The following PRPSAP2 variants were observed in gnomAD, a reference collection of about 807,000 sequenced individuals.
PRPSAP2 encodes phosphoribosyl pyrophosphate synthase-associated protein 2.
PRPSAP2 carries 24 observed loss-of-function variants against 40.6 expected under a neutral mutation model. The ratio of observed to expected loss-of-function variants is 0.59; its 90% confidence interval spans 0.43 to 0.83. The LOEUF (loss-of-function observed/expected upper bound fraction) is 0.83, where lower values mean the gene tolerates loss of function less well. PRPSAP2 is among the 40% of genes least tolerant of loss of function. The pLI, the probability that PRPSAP2 is intolerant of heterozygous loss-of-function variation, is 0.00. For synonymous variants in PRPSAP2, 149 were observed against 164.7 expected (o/e 0.90, Z 0.73); for missense variants, 292 against 465.6 (o/e 0.63, Z 3.43).
chr17:18,906,949 A>G (rs748009542), intron 8 of PRPSAP2, among the ~76,000 whole-genome samples: 1 of 152,090 alleles, frequency 6.6e-6, no homozygotes, highest in Admixed American at 6.6e-5. Flanking sequence ...CTAACAGCTC[A>G]TAAGAGTCTA....
At chr17:18,875,853 CA>C (rs35855183) in intron 5 of PRPSAP2, among the ~76,000 whole-genome samples, 59,564 of 107,492 alleles carry the variant, frequency 0.55, 13,459 homozygotes, top group Middle Eastern at 0.65. Flanking sequence ...GACTCTGTCT[CA>C]AAAAAAAAAA....
At chr17:18,879,867 A>AT (rs564563620) in intron 6 of PRPSAP2, among the ~76,000 whole-genome samples, 2 of 194 alleles carry the variant, frequency 0.01, no homozygotes, top group Admixed American at 0.11. Flanking sequence ...TGGGAGAACC[A>AT]GGGGGCGATC....
At chr17:18,926,053 G>A (rs1477329550) in intron 10 of PRPSAP2, among the ~76,000 whole-genome samples, 1 of 151,590 alleles carries the variant, frequency 6.6e-6, no homozygotes, top group Non-Finnish European at 1.5e-5. Flanking sequence ...AGCCGAGATC[G>A]TGCCACTGCA....
chr17:18,901,538 C>T (rs2040268312), intron 8 of PRPSAP2, among the ~76,000 whole-genome samples: 2 of 152,110 alleles, frequency 1.3e-5, no homozygotes, highest in African/African-American at 2.4e-5. Flanking sequence ...TGCCACTATG[C>T]CTGGCTAATT....
intron 6 of PRPSAP2, among the ~76,000 whole-genome samples, chr17:18,881,210 G>T (rs1295966760): frequency 6.6e-6 from 1 of 151,348 alleles, no homozygotes; most frequent in African/African-American, 2.4e-5. Flanking sequence ...AAATACAAGT[G>T]CTGAGTTTTT....
intron 8 of PRPSAP2, among the ~76,000 whole-genome samples, chr17:18,906,943 C>T (rs1051039746): frequency 9.2e-5 from 14 of 151,986 alleles, no homozygotes; most frequent in Non-Finnish European, 2.1e-4. Context: ...AAATTTCTAA[C>T]AGCTCATAAG....
rs1051420898 is a variant in PRPSAP2 at position 18,887,831 on chromosome 17, GTTCT to G, written c.529-1984_529-1981del. 7.9e-5 allele frequency among the ~76,000 whole-genome samples: 5 copies of G among 63,218 alleles called. 1 individual carries two copies. The highest frequency in any genetic ancestry group is 2.9e-4 in the African/African-American group (5 of 17,210). 41.5% of individuals were successfully genotyped at this position (63,218 alleles called of 152,430 possible). ...TTTTGGTTCTTTTTCATAATAACTTGTTCTTTCTTTTTTTTTTTTTTAATTTATT... is the reference window on the plus strand; with the variant it reads ...TTTTGGTTCTTTTTCATAATAACTTGTTCTTTTTTTTTTTTTTAATTTATT... On this transcript the variant is annotated intron_variant, in intron 7 of 11. Coordinates refer to ENST00000268835, the MANE Select transcript of PRPSAP2 (RefSeq NM_002767.4).
At chr17:18,862,994 G>C (rs538248277) in intron 1 of PRPSAP2, among the ~76,000 whole-genome samples, 6 of 122,134 alleles carry the variant, frequency 4.9e-5, no homozygotes, top group African/African-American at 1.8e-4. Flanking sequence ...CTAATTTTTT[G>C]TATTTTTAGT....
chr17:18,899,518 A>AGTT (rs2040131935), intron 8 of PRPSAP2, among the ~76,000 whole-genome samples: 1 of 74,788 alleles, frequency 1.3e-5, no homozygotes, highest in Non-Finnish European at 2.9e-5. Context: ...TATCCAACTG[A>AGTT]GTTTTTTTTT....
At chr17:18,883,816 G>A (rs944780310) in intron 7 of PRPSAP2, among the ~76,000 whole-genome samples, 48 of 152,184 alleles carry the variant, frequency 3.2e-4, no homozygotes, top group Middle Eastern at 3.4e-3. Flanking sequence ...GCAGTTTATA[G>A]GTTTCTGAGG....
chr17:18,930,842 C>G lies in PRPSAP2; in HGVS notation c.*144C>G. The G allele has an allele frequency of 1.5e-6, 1 of 670,554 alleles. No homozygotes were observed. Among genetic ancestry groups the G allele is most frequent in the South Asian group, 6.2e-5 (1 of 16,220 alleles). The allele number at this position is 670,554 out of a possible 1,614,324, so 41.5% of individuals were successfully genotyped here. Reference sequence around the variant, plus strand: ...CTTATTGATTCCTAAGAAGATAGACCAACTTTTTATGTCGGTTTGGGTGTT... The same window carrying G: ...CTTATTGATTCCTAAGAAGATAGACGAACTTTTTATGTCGGTTTGGGTGTT... On this transcript the variant is annotated 3_prime_UTR_variant, in exon 12 of 12. Transcript: ENST00000268835.
In PRPSAP2 at chr17:18,897,991, C is replaced by CTT. The variant is rs71155370; in HGVS notation, c.584+8139_584+8140dup. ...CAGTATCAGGCTGTTAGAATTTTTG[C>CTT]TTTTTTTTTTTTTTTTTTTTTTTTT... On this transcript the variant is annotated intron_variant, in intron 8 of 11. Coordinates refer to ENST00000268835, the MANE Select transcript of PRPSAP2 (RefSeq NM_002767.4). Among the ~76,000 whole-genome samples, 943 of 116,188 alleles carry CTT rather than the reference C, an allele frequency of 8.1e-3. 158 individuals carry two copies. The highest frequency in any genetic ancestry group is 0.012 in the Non-Finnish European group (680 of 57,796). 76.2% of individuals were successfully genotyped at this position (116,188 alleles called of 152,430 possible). A position where few individuals can be genotyped will look rare whatever the true frequency, so the allele number is the denominator to read the frequency against.
At chr17:18,907,844 A>G (rs1470421178) in intron 8 of PRPSAP2, among the ~76,000 whole-genome samples, 4 of 152,184 alleles carry the variant, frequency 2.6e-5, no homozygotes, top group Admixed American at 1.3e-4. Context: ...CCAAATGAAA[A>G]TGAAGACACA....
chr17:18,917,418 G>A (rs1445596201), intron 9 of PRPSAP2: 2 of 146,090 alleles, frequency 1.4e-5, no homozygotes, highest in Non-Finnish European at 1.5e-5. Flanking sequence ...TTTTTGAAAC[G>A]CTCTTTTGCC....
In PRPSAP2 at chr17:18,867,475, CAG is replaced by C. The variant is rs2037518517; in HGVS notation, c.172+144_172+145del. ...AAGAAGTCAGGCAGGCAAGGTAGAA[CAG>C]AGTGGTTTTTTAGCTCTCACTAATA... On this transcript the variant is annotated intron_variant, in intron 4 of 11. Coordinates refer to ENST00000268835, the MANE Select transcript of PRPSAP2 (RefSeq NM_002767.4). The C allele has an allele frequency of 1.0e-5, 10 of 992,158 alleles. No homozygotes were observed. In the Middle Eastern group the frequency reaches 8.5e-4, roughly 84 times the overall value. 61.5% of individuals were successfully genotyped at this position (992,158 alleles called of 1,614,324 possible).
chr17:18,870,778 C>CA (rs1351702592), intron 4 of PRPSAP2, among the ~76,000 whole-genome samples: 5 of 149,310 alleles, frequency 3.3e-5, no homozygotes, highest in Non-Finnish European at 7.4e-5. Context: ...CGCTGCACTC[C>CA]AGCCCGGGCA....
chr17:18,896,629 A>G (rs182404362), intron 8 of PRPSAP2, among the ~76,000 whole-genome samples: 1 of 104,434 alleles, frequency 9.6e-6, no homozygotes, highest in East Asian at 2.8e-4. Flanking sequence ...CTCAACTGGT[A>G]TTGTCACTTC....
intron 6 of PRPSAP2, among the ~76,000 whole-genome samples, chr17:18,879,873 C>T (rs2069456325): frequency 9.5e-6 from 1 of 105,214 alleles, no homozygotes; most frequent in African/African-American, 3.8e-5. Flanking sequence ...AACCAGGGGG[C>T]GATCACCTGA....
chr17:18,914,321 G>T (rs1303081112), intron 9 of PRPSAP2, among the ~76,000 whole-genome samples: 1 of 126,320 alleles, frequency 7.9e-6, no homozygotes, highest in Admixed American at 9.7e-5. Context: ...ACAGTGGTGC[G>T]ATCAGATCTC....
Sources: gnomAD v4.1 joint callset for allele counts (sites outside exome capture counted in the v4.1 genomes callset) on GRCh38, gnomAD v4.1.1 for gene constraint, MANE v1.5 for transcripts, NCBI Gene and HGNC (gene_info 2026-07-23, HGNC 2026-07-21) for gene names.